CSMD3: variants seen among roughly 807,000 people sequenced by gnomAD.
CSMD3 encodes the protein CUB and Sushi multiple domains 3, also known as CUB and sushi domain-containing protein 3.
Under a neutral mutation model 435.2 loss-of-function variants are expected in CSMD3, and 177 were observed. The ratio of observed to expected loss-of-function variants is 0.41; its 90% CI spans 0.36 to 0.46. CSMD3 has a LOEUF of 0.46. CSMD3 is among the 20% of genes least tolerant of loss of function. The pLI, the probability that CSMD3 is intolerant of heterozygous loss-of-function variation, is 0.34. For synonymous variants in CSMD3, 1,656 were observed against 1,520.5 expected (o/e 1.09, Z -2.07); for missense variants, 4,265 against 4,504.6 (o/e 0.95, Z 1.52).
intron 11 of CSMD3, 94 bp downstream of exon 11, chr8:112,859,051 A>C: frequency 8.3e-7 from 1 of 1,203,986 alleles, no homozygotes; most frequent in Non-Finnish European, 1.2e-6. Flanking sequence ...TACTTGAGTT[A>C]TAAATTTTCC....
intron 4 of CSMD3, among the ~76,000 whole-genome samples, chr8:113,124,297 G>A (rs945855069): frequency 1.3e-5 from 2 of 151,802 alleles, no homozygotes; most frequent in African/African-American, 4.8e-5. Context: ...TATCTCAGAG[G>A]AATAAACATG....
Position 113,148,212 on chromosome 8 carries a change from C to G in CSMD3, c.709+25510G>C, listed in dbSNP as rs914180785. ...AGATATTTTTAATTCCTCAAAAATA[C>G]CAAATAATTTTCATCTTATTTTTCA... is the stretch of plus-strand genomic sequence containing the variant. On this transcript the variant is annotated intron_variant, in intron 4 of 70. Coordinates refer to ENST00000297405, the MANE Select transcript of CSMD3 (RefSeq NM_198123.2). Among the ~76,000 whole-genome samples, 5 of 151,648 alleles carry G rather than the reference C, an allele frequency of 3.3e-5. No individual in the cohort carries two copies. In the Admixed American group the frequency reaches 3.3e-4, roughly 10 times the overall value.
intron 32 of CSMD3, among the ~76,000 whole-genome samples, chr8:112,423,664 C>T (rs182395833): frequency 2.0e-5 from 3 of 152,116 alleles, no homozygotes; most frequent in East Asian, 1.9e-4. Context: ...AGGCTGGACT[C>T]GAACTTCTGG....
intron 28 of CSMD3, among the ~76,000 whole-genome samples, chr8:112,507,999 T>C (rs117931585): frequency 7.0e-4 from 106 of 152,292 alleles, no homozygotes; most frequent in Non-Finnish European, 1.3e-3. Flanking sequence ...ACTGCTTCGA[T>C]GTTCTGTAGT....
At position 113,314,765 on chromosome 8, in the gene CSMD3, T is replaced by C; in HGVS notation, c.207A>G (p.Leu69=). The C allele has an allele frequency of 2.5e-6, 4 of 1,611,326 alleles. No homozygotes were observed. The highest frequency in any genetic ancestry group is 3.4e-6 in the Non-Finnish European group (4 of 1,177,864). The change falls in exon 2 of 71, where the codon TTA becomes TTG. Residue 69 remains leucine (L), a synonymous_variant. Coordinates refer to ENST00000297405, the MANE Select transcript of CSMD3 (RefSeq NM_198123.2). ...KGFIYTCGGT[L]KGLNGTIESP... is the part of the protein sequence containing the mutation. ...TTTCTATAGTGCCATTAAGTCCTTT[T>C]AAAGTTCCACCACATGTATAAATAA...
chr8:113,114,122 T>G (rs989393838), intron 4 of CSMD3, among the ~76,000 whole-genome samples: 4 of 152,000 alleles, frequency 2.6e-5, no homozygotes, highest in Admixed American at 1.3e-4. Flanking sequence ...ACAATAATAA[T>G]CAAATTATTT....
intron 69 of CSMD3, among the ~76,000 whole-genome samples, chr8:112,229,344 G>C (rs1051275542): frequency 2.0e-5 from 3 of 152,122 alleles, no homozygotes; most frequent in Non-Finnish European, 4.4e-5. Context: ...GGAGTGGGAG[G>C]TTAAAAGAAT....
At chr8:113,072,909 A>G (rs1231725356) in intron 5 of CSMD3, among the ~76,000 whole-genome samples, 1 of 151,752 alleles carries the variant, frequency 6.6e-6, no homozygotes, top group African/African-American at 2.4e-5. Flanking sequence ...CTGTGCTGGC[A>G]TTCTTGCACA....
intron 3 of CSMD3, among the ~76,000 whole-genome samples, chr8:113,262,383 C>T (rs752807171): frequency 2.6e-5 from 4 of 152,002 alleles, no homozygotes; most frequent in Non-Finnish European, 4.4e-5. Context: ...TTTGAATTAT[C>T]ATCTAAATAA....
At chr8:112,649,107 G>T (rs910603243) in intron 19 of CSMD3, among the ~76,000 whole-genome samples, 1 of 152,162 alleles carries the variant, frequency 6.6e-6, no homozygotes, top group African/African-American at 2.4e-5. Flanking sequence ...CAGCGTAAGA[G>T]AATTATGTGA....
intron 6 of CSMD3, among the ~76,000 whole-genome samples, chr8:112,982,170 G>A (rs1048877505): frequency 1.2e-4 from 18 of 151,854 alleles, no homozygotes; most frequent in African/African-American, 4.3e-4. Context: ...ATGTGTAGAG[G>A]TGCATCATAG....
At chr8:112,351,534 T>C (rs1826136071) in intron 39 of CSMD3, among the ~76,000 whole-genome samples, 1 of 151,976 alleles carries the variant, frequency 6.6e-6, no homozygotes, top group African/African-American at 2.4e-5. Context: ...TACTAAGATA[T>C]TGCAGTGATT....
At chr8:113,410,475 C>G (rs760982698) in intron 1 of CSMD3, among the ~76,000 whole-genome samples, 1 of 152,084 alleles carries the variant, frequency 6.6e-6, no homozygotes. Flanking sequence ...TCCCCTCCTG[C>G]TTGAATATGC....
chr8:112,842,694 T>C (rs2080214195), intron 11 of CSMD3, among the ~76,000 whole-genome samples: 3 of 151,904 alleles, frequency 2.0e-5, no homozygotes, highest in Non-Finnish European at 4.4e-5. Flanking sequence ...ATGCAGTGTC[T>C]ATATTTATAT....
chr8:112,272,201 G>C (rs933395248), intron 59 of CSMD3, among the ~76,000 whole-genome samples: 1 of 152,106 alleles, frequency 6.6e-6, no homozygotes, highest in African/African-American at 2.4e-5. Flanking sequence ...ATTTAACCCT[G>C]TCTCAGGAAT....
intron 7 of CSMD3, among the ~76,000 whole-genome samples, chr8:112,956,282 C>T (rs1463180484): frequency 6.6e-6 from 1 of 151,956 alleles, no homozygotes; most frequent in Non-Finnish European, 1.5e-5. Flanking sequence ...CCAAGTGACG[C>T]TTTTTGTTGT....
chr8:112,543,946 T>G (rs1341107593), intron 27 of CSMD3, among the ~76,000 whole-genome samples: 1 of 152,158 alleles, frequency 6.6e-6, no homozygotes, highest in Non-Finnish European at 1.5e-5. Flanking sequence ...GAGGACACTA[T>G]GCTAAATAAA....
chr8:113,331,935 T>C (rs538925819), intron 1 of CSMD3, among the ~76,000 whole-genome samples: 2 of 151,470 alleles, frequency 1.3e-5, no homozygotes, highest in African/African-American at 4.8e-5. Context: ...CCAGAGAAAT[T>C]AGATAAGAAA....
At chr8:112,265,349 A>G in intron 60 of CSMD3, 62 bp downstream of exon 60, 1 of 1,279,282 alleles carries the variant, frequency 7.8e-7, no homozygotes, top group Non-Finnish European at 1.1e-6. Flanking sequence ...AAATTTGTAT[A>G]TAAAAATAAG....
Sources: allele counts gnomAD v4.1 joint callset (sites outside exome capture counted in the v4.1 genomes callset), GRCh38; gene constraint gnomAD v4.1.1; transcripts MANE v1.5; gene names NCBI Gene and HGNC (gene_info 2026-07-23, HGNC 2026-07-21).